Variants in SAAL1 observed in about 807,000 individuals in gnomAD.
The protein encoded by SAAL1 is protein SAAL1.
In SAAL1, 42 loss-of-function variants were observed where a neutral mutation model predicts 59.8. That is an observed-to-expected ratio of 0.70 (90% confidence interval 0.55 to 0.91). The LOEUF (loss-of-function observed/expected upper bound fraction) is 0.91. Ranked by LOEUF, SAAL1 falls within the 40% of genes least tolerant of loss-of-function variation. The pLI, the probability that SAAL1 is intolerant of heterozygous loss-of-function variation, is 0.00. For synonymous variants in SAAL1, 191 were observed against 194.3 expected, an observed-to-expected ratio of 0.98 and a Z score of 0.14; for missense variants, 542 against 561.1, an observed-to-expected ratio of 0.97 and a Z score of 0.34.
chr11:18,090,431 T>C lies in SAAL1; in HGVS notation c.473+3A>G, dbSNP rs1454790634. On this transcript the variant is annotated splice_donor_region_variant and intron_variant, in intron 5 of 11. Transcript: ENST00000524803. ...TATAGAATTCATAAAAGGAAAAGCA[T>C]ACCTGCTTGTTTCCAGCAGAGTAGG... 3 of 1,605,714 alleles carry C rather than the reference T, an allele frequency of 1.9e-6. No individual in the cohort carries two copies. Among genetic ancestry groups the C allele is most frequent in the African/African-American group, 1.3e-5 (1 of 74,232 alleles).
chr11:18,099,052 C>T (rs998091865), intron 2 of SAAL1, among the ~76,000 whole-genome samples: 11 of 150,570 alleles, frequency 7.3e-5, no homozygotes, highest in Admixed American at 2.0e-4. Flanking sequence ...TATACAGTCT[C>T]AGCAGAGCAA....
At chr11:18,092,472 C>T (rs1296665906) in intron 3 of SAAL1, 148 bp from the exon 4 acceptor site, 14 of 612,704 alleles carry the variant, frequency 2.3e-5, no homozygotes, top group Non-Finnish European at 1.8e-5. Context: ...CTGCCTGTAC[C>T]CTAACCTTGA....
intron 10 of SAAL1, among the ~76,000 whole-genome samples, chr11:18,082,833 T>G (rs1848424238): frequency 6.6e-6 from 1 of 152,118 alleles, no homozygotes; most frequent in South Asian, 2.1e-4. Flanking sequence ...GGTTTTGCCA[T>G]GTTGCCCAAA....
chr11:18,083,603 A>AATC lies in SAAL1; in HGVS notation c.1168_1170dup (p.Asp390dup). 6.2e-7 allele frequency: 1 copy of AATC among 1,604,404 alleles called. No individual in the cohort carries two copies. The highest frequency in any genetic ancestry group is 8.5e-7 in the Non-Finnish European group (1 of 1,171,792). ...ATATCCTTTAAGATTTTCAAGTGGA[A>AATC]ATCATCTTGGGTTAAATCAGTCCTT... is the stretch of plus-strand genomic sequence containing the variant. On this transcript the variant is annotated inframe_insertion, in exon 10 of 12. Transcript: ENST00000524803.
rs778792660 is a variant in SAAL1 at position 18,081,379 on chromosome 11, T to G, written c.1332+32A>C. On this transcript the variant is annotated intron_variant, in intron 11 of 11. Transcript: ENST00000524803. ...AAAACATTTAGTAATCCTACAAAACTTGGCCACCTATATACATTTACCCAT... is the reference window on the plus strand; with the variant it reads ...AAAACATTTAGTAATCCTACAAAACGTGGCCACCTATATACATTTACCCAT... 4 of 1,460,278 alleles carry G rather than the reference T, an allele frequency of 2.7e-6. No homozygotes were observed. In the African/African-American group the frequency reaches 4.2e-5, roughly 15 times the overall value. 90.5% of individuals were successfully genotyped at this position (1,460,278 alleles called of 1,614,324 possible).
rs78603594 is a variant in SAAL1 at position 18,088,458 on chromosome 11, T to G, written c.770+872A>C. On this transcript the variant is annotated intron_variant, in intron 7 of 11. Transcript: ENST00000524803. ...GCATGAGAGTGAAATGAGTGCGTAC[T>G]TTGCAAAAACAGCTTTAAAGTCTAG... Among the ~76,000 whole-genome samples, 104 of 152,252 alleles carry G rather than the reference T, an allele frequency of 6.8e-4. 1 individual carries two copies. The East Asian group carries it at 0.019, about 28-fold the overall frequency.
intron 4 of SAAL1, 81 bp from the exon 5 acceptor site, chr11:18,090,574 T>C (rs1848513971): frequency 2.0e-6 from 3 of 1,478,734 alleles, no homozygotes; most frequent in African/African-American, 1.4e-5. Flanking sequence ...TTTTTGAACA[T>C]CTTTATTGTG....
chr11:18,097,761 C>G (rs1590290354), intron 2 of SAAL1, among the ~76,000 whole-genome samples: 1 of 151,632 alleles, frequency 6.6e-6, no homozygotes, highest in African/African-American at 2.4e-5. Flanking sequence ...ATCACTTGAG[C>G]CTGGGGAGCT....
chr11:18,101,984 G>A (rs1848638829), intron 2 of SAAL1, among the ~76,000 whole-genome samples: 1 of 152,196 alleles, frequency 6.6e-6, no homozygotes, highest in South Asian at 2.1e-4. Flanking sequence ...TGGTTGCCTG[G>A]AGGGGATGGA....
chr11:18,092,284 TGG>T lies in SAAL1; in HGVS notation c.372_373del (p.Phe124LeufsTer10). ...ACTGCTGATGGACACACATATCTCCTGGAAACAGGCCATATTACCTAAAATTC... is the reference window on the plus strand; with the variant it reads ...ACTGCTGATGGACACACATATCTCCTAAACAGGCCATATTACCTAAAATTC... On this transcript the variant is annotated frameshift_variant, in exon 4 of 12. Transcript: ENST00000524803. LOFTEE classifies it high-confidence loss of function. The T allele has an allele frequency of 6.2e-7, 1 of 1,608,028 alleles. No homozygotes were observed. Among genetic ancestry groups the T allele is most frequent in the Non-Finnish European group, 8.5e-7 (1 of 1,174,532 alleles).
chr11:18,101,899 C>G (rs2134066026), intron 2 of SAAL1, among the ~76,000 whole-genome samples: 1 of 148,488 alleles, frequency 6.7e-6, no homozygotes, highest in South Asian at 2.1e-4. Context: ...AGAGCCAGAC[C>G]AAAAAAAGCA....
intron 10 of SAAL1, chr11:18,081,867 C>A (rs899344971): frequency 1.1e-5 from 2 of 183,022 alleles, no homozygotes; most frequent in African/African-American, 4.7e-5. Context: ...AGGCTGCCAT[C>A]ATTTTTCAGA....
intron 1 of SAAL1, 108 bp downstream of exon 1, chr11:18,105,799 G>A: frequency 7.4e-7 from 1 of 1,345,934 alleles, no homozygotes; most frequent in Non-Finnish European, 9.8e-7. Context: ...GCCTGGGGAG[G>A]GGTCTTTGTG....
In SAAL1 at chr11:18,085,641, G is replaced by A. The variant is rs754382204; in HGVS notation, c.1042+1225C>T. On this transcript the variant is annotated intron_variant, in intron 9 of 11. Coordinates refer to ENST00000524803, the MANE Select transcript of SAAL1 (RefSeq NM_138421.3). ...TAGTTAAAAACATTCTGAAAACTTA[G>A]AATGAAGAGGAATTTGCCTTATTAG... Among the ~76,000 whole-genome samples the A allele has an allele frequency of 2.0e-5, 3 of 152,160 alleles. No individual in the cohort carries two copies. The South Asian group carries it at 6.2e-4, about 32-fold the overall frequency.
At chr11:18,090,984 G>C (rs1848518202) in intron 4 of SAAL1, 1 of 152,576 alleles carries the variant, frequency 6.6e-6, no homozygotes, top group Admixed American at 6.5e-5. Flanking sequence ...ATACATGTAA[G>C]ATCTACCCAT....
rs763228812 is a variant in SAAL1, at chr11:18,092,365, G to C, written c.334-41C>G. 2.4e-6 allele frequency: 3 copies of C among 1,256,172 alleles called. No homozygotes were observed. In the South Asian group the frequency reaches 3.8e-5, roughly 16 times the overall value. 77.8% of individuals were successfully genotyped at this position (1,256,172 alleles called of 1,614,324 possible). A position where few individuals can be genotyped will look rare whatever the true frequency, so the allele number is the denominator to read the frequency against. On this transcript the variant is annotated intron_variant, in intron 3 of 11. Coordinates refer to ENST00000524803, the MANE Select transcript of SAAL1 (RefSeq NM_138421.3). ...TTACAAGTCACAATGGCTCTGAGAC[G>C]AAAGACGTAAACAAAAATATCAACT... is the stretch of plus-strand genomic sequence containing the variant.
At chr11:18,097,103 G>A (rs535193294) in intron 2 of SAAL1, among the ~76,000 whole-genome samples, 4 of 152,116 alleles carry the variant, frequency 2.6e-5, no homozygotes, top group South Asian at 2.1e-4. Flanking sequence ...CGGGCATGGC[G>A]GCATGCACCT....
At chr11:18,088,134 G>C (rs1848485363) in intron 7 of SAAL1, among the ~76,000 whole-genome samples, 1 of 152,198 alleles carries the variant, frequency 6.6e-6, no homozygotes, top group Non-Finnish European at 1.5e-5. Flanking sequence ...TTGAAGAAGT[G>C]ACGCAAACTT....
At position 18,090,298 on chromosome 11, in the gene SAAL1, G is replaced by C. The variant is rs1848509084; in HGVS notation, c.474-8C>G. 3 of 1,568,822 alleles carry C rather than the reference G, an allele frequency of 1.9e-6. No individual in the cohort carries two copies. The East Asian group carries it at 6.8e-5, about 36-fold the overall frequency. On this transcript the variant is annotated splice_region_variant and splice_polypyrimidine_tract_variant and intron_variant, in intron 5 of 11. Transcript: ENST00000524803. ...AGGCAAGTAAGCAACAACCTACATG[G>C]TAAACGTGGGTTGAATTTCTACTTT... is the stretch of plus-strand genomic sequence containing the variant.
Sources: gnomAD v4.1 joint callset for allele counts (sites outside exome capture counted in the v4.1 genomes callset) on GRCh38, gnomAD v4.1.1 for gene constraint, MANE v1.5 for transcripts, NCBI Gene and HGNC (gene_info 2026-07-23, HGNC 2026-07-21) for gene names.